WDFY2: variants seen among roughly 807,000 people sequenced by gnomAD.
WDFY2 encodes the protein WD repeat and FYVE domain containing 2, also known as WD repeat and FYVE domain-containing protein 2.
In WDFY2, 36 loss-of-function variants were observed where a neutral mutation model predicts 56.4. The ratio of observed to expected loss-of-function variants is 0.64; its 90% CI spans 0.49 to 0.84. The LOEUF is 0.84. Ranked by LOEUF, WDFY2 falls within the 40% of genes least tolerant of loss-of-function variation. The probability of loss-of-function intolerance (pLI) is 0.00; values close to 1 mark genes in which losing one functional copy is unlikely to be tolerated. For missense variants in WDFY2, 444 were observed against 512.2 expected (o/e 0.87, Z 1.29); for synonymous variants, 176 against 183.7 (o/e 0.96, Z 0.34).
chr13:51,622,815 G>A (rs1954759937), intron 1 of WDFY2, among the ~76,000 whole-genome samples: 1 of 151,302 alleles, frequency 6.6e-6, no homozygotes, highest in Non-Finnish European at 1.5e-5. Flanking sequence ...AGTTTGAACT[G>A]GAATACCTTT....
At chr13:51,715,770 T>C (rs1952331422) in intron 4 of WDFY2, among the ~76,000 whole-genome samples, 1 of 152,194 alleles carries the variant, frequency 6.6e-6, no homozygotes, top group African/African-American at 2.4e-5. Flanking sequence ...CACAGTGGGT[T>C]TGTTTTCACC....
intron 1 of WDFY2, among the ~76,000 whole-genome samples, chr13:51,643,529 G>A (rs532984752): frequency 9.2e-5 from 14 of 152,234 alleles, no homozygotes; most frequent in East Asian, 1.9e-4. Flanking sequence ...ATATCATCCC[G>A]ATTTCTCCTA....
At chr13:51,617,291 A>G (rs1430704419) in intron 1 of WDFY2, among the ~76,000 whole-genome samples, 1 of 152,106 alleles carries the variant, frequency 6.6e-6, no homozygotes, top group East Asian at 1.9e-4. Context: ...CCATTATGAG[A>G]AAGGAAATCT....
At chr13:51,665,903 T>TA (rs1955692290) in intron 2 of WDFY2, among the ~76,000 whole-genome samples, 2 of 152,192 alleles carry the variant, frequency 1.3e-5, no homozygotes, top group Admixed American at 1.3e-4. Flanking sequence ...CAAAGGTAGT[T>TA]ACAAATAAAG....
At chr13:51,628,321 G>T (rs991154954) in intron 1 of WDFY2, among the ~76,000 whole-genome samples, 1 of 152,240 alleles carries the variant, frequency 6.6e-6, no homozygotes, top group Non-Finnish European at 1.5e-5. Flanking sequence ...ATGCACACCC[G>T]ACCATGTCAC....
chr13:51,683,798 G>C (rs1956016187), intron 3 of WDFY2, among the ~76,000 whole-genome samples: 1 of 152,188 alleles, frequency 6.6e-6, no homozygotes, highest in Admixed American at 6.5e-5. Context: ...AGAGAGGGGA[G>C]TGGTATTAGG....
rs910434289 is a variant in WDFY2 at position 51,767,048 on chromosome 13, T to G, written c.*7279T>G. The G allele has an allele frequency of 6.6e-6, 1 of 152,280 alleles. No individual in the cohort carries two copies. Among genetic ancestry groups the G allele is most frequent in the African/African-American group, 2.4e-5 (1 of 41,474 alleles). 9.4% of individuals were successfully genotyped at this position (152,280 alleles called of 1,614,324 possible). A position where few individuals can be genotyped will look rare whatever the true frequency, so the allele number is the denominator to read the frequency against. On this transcript the variant is annotated 3_prime_UTR_variant, in exon 12 of 12. Transcript: ENST00000298125. ...CATCATGTAAGTCAGCTTTTTCTTG[T>G]GCTTAGTAAACTTTTCCAGTGAGGA...
intron 1 of WDFY2, chr13:51,587,554 A>C (rs139054730): frequency 6.6e-6 from 1 of 152,338 alleles, no homozygotes; most frequent in East Asian, 1.9e-4. Flanking sequence ...GACTAGGTGG[A>C]CTTTAAAGTA....
chr13:51,755,721 C>A (rs541827404), intron 9 of WDFY2, among the ~76,000 whole-genome samples: 19 of 152,310 alleles, frequency 1.2e-4, no homozygotes, highest in South Asian at 1.2e-3. Context: ...GTGCACCTTA[C>A]AATTAGAGGT....
rs777100012 is a variant in WDFY2 at position 51,755,490 on chromosome 13, A to G, written c.933+31A>G. 1.9e-6 allele frequency: 3 copies of G among 1,594,074 alleles called. No individual in the cohort carries two copies. In the South Asian group the frequency reaches 3.3e-5, roughly 18 times the overall value. On this transcript the variant is annotated intron_variant, in intron 9 of 11. Coordinates refer to ENST00000298125, the MANE Select transcript of WDFY2 (RefSeq NM_052950.4). ...TGATATGGATGCTTCATCAAAATGTAATTATATGGAAATAGCTCAACCATG... is the reference window on the plus strand; with the variant it reads ...TGATATGGATGCTTCATCAAAATGTGATTATATGGAAATAGCTCAACCATG...
At chr13:51,691,733 G>A (rs1956163116) in intron 3 of WDFY2, among the ~76,000 whole-genome samples, 1 of 152,014 alleles carries the variant, frequency 6.6e-6, no homozygotes, top group African/African-American at 2.4e-5. Context: ...ATTCTGTGAA[G>A]AAAGTCATTG....
At chr13:51,678,889 T>C (rs942931026) in intron 3 of WDFY2, among the ~76,000 whole-genome samples, 1 of 152,070 alleles carries the variant, frequency 6.6e-6, no homozygotes, top group Non-Finnish European at 1.5e-5. Context: ...GAGATAATGG[T>C]CTAGGGCAGC....
chr13:51,750,306 A>G (rs1044234872), intron 7 of WDFY2, among the ~76,000 whole-genome samples: 5 of 152,230 alleles, frequency 3.3e-5, no homozygotes, highest in Non-Finnish European at 5.9e-5. Flanking sequence ...CAATTTATTG[A>G]CACCCTCTGG....
At chr13:51,691,490 A>G (rs1017824441) in intron 3 of WDFY2, among the ~76,000 whole-genome samples, 41 of 151,178 alleles carry the variant, frequency 2.7e-4, no homozygotes, top group African/African-American at 9.5e-4. Flanking sequence ...CAGGTTTGTC[A>G]AAGATCAGAT....
Position 51,660,677 on chromosome 13 carries a change from TC to T in WDFY2, c.205+15del. ...ATGCAATGCCTTGTAAGTATCCAAA[TC>T]GCTGTCTTGAAAAACCAGACATGTC... On this transcript the variant is annotated intron_variant, in intron 2 of 11. Transcript: ENST00000298125. 1.2e-6 allele frequency: 2 copies of T among 1,612,870 alleles called. No individual in the cohort carries two copies. Among genetic ancestry groups the T allele is most frequent in the African/African-American group, 1.3e-5 (1 of 75,028 alleles).
At chr13:51,590,757 AC>A (rs1220426006) in intron 1 of WDFY2, 2 of 151,896 alleles carry the variant, frequency 1.3e-5, no homozygotes, top group Non-Finnish European at 2.9e-5. Flanking sequence ...AAATTCCCTA[AC>A]AGAGAAAAAA....
chr13:51,712,460 C>T (rs1475627724), intron 4 of WDFY2, among the ~76,000 whole-genome samples: 3 of 151,796 alleles, frequency 2.0e-5, no homozygotes, highest in African/African-American at 7.3e-5. Flanking sequence ...AAAATGAAAA[C>T]ACAATATACC....
intron 2 of WDFY2, among the ~76,000 whole-genome samples, chr13:51,666,215 C>T (rs1955697433): frequency 6.6e-6 from 1 of 152,214 alleles, no homozygotes; most frequent in Admixed American, 6.5e-5. Flanking sequence ...TTGGAGTTTT[C>T]CCACTTGTGT....
intron 2 of WDFY2, among the ~76,000 whole-genome samples, chr13:51,661,772 G>A (rs886108346): frequency 1.3e-5 from 2 of 152,082 alleles, no homozygotes; most frequent in Non-Finnish European, 2.9e-5. Context: ...AGTATTCAAC[G>A]CTTTTTTTGG....
Sources: allele counts gnomAD v4.1 joint callset (sites outside exome capture counted in the v4.1 genomes callset), GRCh38; gene constraint gnomAD v4.1.1; transcripts MANE v1.5; gene names NCBI Gene and HGNC (gene_info 2026-07-23, HGNC 2026-07-21).